STYXL1: variants seen among roughly 807,000 people sequenced by gnomAD.
The protein encoded by STYXL1 is serine/threonine/tyrosine-interacting-like protein 1.
STYXL1 carries 32 observed loss-of-function variants against 36.4 expected under a neutral mutation model. The ratio of observed to expected loss-of-function variants is 0.88; its 90% CI spans 0.66 to 1.18. The LOEUF (loss-of-function observed/expected upper bound fraction) is 1.18, where lower values mean the gene tolerates loss of function less well. STYXL1 is among the 50% of genes most tolerant of loss of function. STYXL1 has a pLI of 0.00. For synonymous variants in STYXL1, 133 were observed against 144.1 expected (o/e 0.92, Z 0.55); for missense variants, 354 against 394.1 (o/e 0.90, Z 0.86).
intron 8 of STYXL1, 100 bp from the exon 9 acceptor site, chr7:75,996,699 G>A (rs1790177231): frequency 2.2e-5 from 26 of 1,156,826 alleles, no homozygotes; most frequent in Non-Finnish European, 1.3e-6. Flanking sequence ...CTTGCACAGT[G>A]CCAGCAACAC....
At chr7:76,021,467 C>T (rs1794062551) in intron 4 of STYXL1, among the ~76,000 whole-genome samples, 1 of 152,114 alleles carries the variant, frequency 6.6e-6, no homozygotes, top group South Asian at 2.1e-4. Context: ...TCTTTCAGGT[C>T]CCGCGTACTG....
intron 4 of STYXL1, among the ~76,000 whole-genome samples, chr7:76,015,391 A>AT (rs1793155188): frequency 6.6e-6 from 1 of 152,260 alleles, no homozygotes; most frequent in African/African-American, 2.4e-5. Flanking sequence ...AAAGACTTAA[A>AT]TGTAACACCT....
Position 76,021,859 on chromosome 7 carries a change from T to C in STYXL1, c.299A>G (p.Asp100Gly), listed in dbSNP as rs782621864. 6.2e-7 allele frequency: 1 copy of C among 1,610,386 alleles called. No individual in the cohort carries two copies. Among genetic ancestry groups the C allele is most frequent in the African/African-American group, 1.3e-5 (1 of 74,836 alleles). ...DDDDDSDSDG[D>G]GKDLVPQAAI... is the part of the protein sequence containing the mutation. ...TGTTGCATAAAACCCACCTTTGCCA[T>C]CACCATCAGAGTCTGAATCATCATC... The change falls in exon 4 of 9, where the codon GAT (aspartate) becomes GGT (glycine). Residue 100 changes from aspartate (D) to glycine (G), a missense_variant. By Grantham distance (94) the Asp-to-Gly change is moderately conservative. Transcript: ENST00000359697.
At position 76,021,990 on chromosome 7, in the gene STYXL1, T is replaced by C; in HGVS notation, c.168A>G (p.Lys56=). 1 of 1,599,258 alleles carries C rather than the reference T, an allele frequency of 6.3e-7. No homozygotes were observed. Among genetic ancestry groups the C allele is most frequent in the South Asian group, 1.1e-5 (1 of 88,052 alleles). Residue 56 remains lysine (K), a splice_region_variant and synonymous_variant, in exon 4 of 9, where the codon AAA becomes AAG. Coordinates refer to ENST00000359697, the MANE Select transcript of STYXL1 (RefSeq NM_001317785.2). ...HVITALRVKK[K]NNEYLLPESV... ...ACTCCGGGAGAAGATATTCATTATTTTTCTTAAAAAAAAAAACACACACAC... is the reference window on the plus strand; with the variant it reads ...ACTCCGGGAGAAGATATTCATTATTCTTCTTAAAAAAAAAAACACACACAC...
intron 6 of STYXL1, among the ~76,000 whole-genome samples, chr7:76,004,786 GGTCAGGTGAT>G (rs1196711621): frequency 6.6e-6 from 1 of 152,104 alleles, no homozygotes; most frequent in Admixed American, 6.6e-5. Flanking sequence ...ATGATCACAA[GGTCAGGTGAT>G]CGAGACCATC....
At chr7:76,010,230 C>T (rs1222110582) in intron 5 of STYXL1, among the ~76,000 whole-genome samples, 1 of 150,640 alleles carries the variant, frequency 6.6e-6, no homozygotes, top group African/African-American at 2.4e-5. Context: ...CATTAAACTG[C>T]CCTGGCTTAT....
intron 7 of STYXL1, among the ~76,000 whole-genome samples, chr7:76,001,533 G>A (rs1256948145): frequency 1.3e-5 from 2 of 151,960 alleles, no homozygotes; most frequent in Non-Finnish European, 2.9e-5. Flanking sequence ...CACTCTTGTT[G>A]CCCAGGCTGG....
chr7:76,017,199 T>G (rs1793479605), intron 4 of STYXL1, among the ~76,000 whole-genome samples: 1 of 152,026 alleles, frequency 6.6e-6, no homozygotes. Flanking sequence ...ATTTTTGTAT[T>G]TTTAGTAGAG....
chr7:76,013,874 T>C lies in STYXL1; in HGVS notation c.321A>G (p.Gln107=). The change falls in exon 5 of 9, where the codon CAA becomes CAG. Residue 107 remains glutamine (Q), a synonymous_variant. Transcript: ENST00000359697. The part of the protein sequence containing the change: ...SDGDGKDLVP[Q]AAIEYGRILT... ...GGATCCTGCCATACTCAATGGCTGC[T>C]TGAGGCACAAGATCTGAGAGTGGAG... 1 of 1,612,164 alleles carries C rather than the reference T, an allele frequency of 6.2e-7. No homozygotes were observed.
intron 3 of STYXL1, among the ~76,000 whole-genome samples, chr7:76,025,140 A>T (rs1794536689): frequency 1.3e-5 from 1 of 77,100 alleles, no homozygotes; most frequent in Non-Finnish European, 2.5e-5. Flanking sequence ...GGCTGAGAAC[A>T]CGGGCGGGAG....
At chr7:75,999,070 A>G (rs1554565321) in intron 8 of STYXL1, 1 of 157,084 alleles carries the variant, frequency 6.4e-6, no homozygotes. Flanking sequence ...CCCGGGAGGC[A>G]GAGCTTGCAG....
chr7:76,001,194 T>C (rs554383021), intron 7 of STYXL1, among the ~76,000 whole-genome samples, 192 bp from the exon 8 acceptor site: 1 of 152,320 alleles, frequency 6.6e-6, no homozygotes, highest in East Asian at 1.9e-4. Flanking sequence ...CCCTCAGACC[T>C]GGCTGGAAGT....
chr7:76,011,631 A>G (rs1419412193), intron 5 of STYXL1, among the ~76,000 whole-genome samples: 1 of 152,246 alleles, frequency 6.6e-6, no homozygotes, highest in Admixed American at 6.5e-5. Context: ...TTCTGTTTAC[A>G]TTCCATTGTG....
rs577478184 is a variant in STYXL1, at chr7:76,005,510, A to G, written c.454-106T>C. The G allele has an allele frequency of 1.9e-4, 213 of 1,093,134 alleles. 1 individual carries two copies. In the African/African-American group the frequency reaches 2.5e-3, roughly 13 times the overall value. 67.7% of individuals were successfully genotyped at this position (1,093,134 alleles called of 1,614,324 possible). The stretch of plus-strand genomic sequence containing the variant: ...CAAACGAGCGTAAAAGGGCAGTTCC[A>G]GGACAGTGAATGTGACGGAGATCCA... On this transcript the variant is annotated intron_variant, in intron 5 of 8. Coordinates refer to ENST00000359697, the MANE Select transcript of STYXL1 (RefSeq NM_001317785.2).
Position 76,005,812 on chromosome 7 carries a change from A to G in STYXL1, c.454-408T>C, listed in dbSNP as rs147473932. The stretch of plus-strand genomic sequence containing the variant: ...AATTTAAGCATCGAGAGAGAGAGAG[A>G]AGGAGGAGGAGGAGGAAGAGAGAGG... On this transcript the variant is annotated intron_variant, in intron 5 of 8. Coordinates refer to ENST00000359697, the MANE Select transcript of STYXL1 (RefSeq NM_001317785.2). 1.5e-3 allele frequency among the ~76,000 whole-genome samples: 220 copies of G among 144,902 alleles called. 10 individuals are homozygous for G. The South Asian group carries it at 0.041, about 27-fold the overall frequency.
intron 5 of STYXL1, among the ~76,000 whole-genome samples, chr7:76,007,165 AT>A (rs1231944641): frequency 1.3e-5 from 2 of 152,168 alleles, no homozygotes. Flanking sequence ...GGTGGCTCAC[AT>A]CTGTAACCCC....
At chr7:76,022,140 G>T in intron 3 of STYXL1, 148 bp from the exon 4 acceptor site, 1 of 1,438,360 alleles carries the variant, frequency 7.0e-7, no homozygotes, top group Non-Finnish European at 9.1e-7. Flanking sequence ...CACTGAGACA[G>T]TGGATGGAGA....
intron 1 of STYXL1, among the ~76,000 whole-genome samples, chr7:76,043,713 C>T (rs185461256): frequency 1.2e-3 from 176 of 152,228 alleles, no homozygotes; most frequent in African/African-American, 4.1e-3. Context: ...CTCTTATAAC[C>T]CCCTCCACCA....
At chr7:76,026,116 C>T (rs1554577627) in intron 3 of STYXL1, among the ~76,000 whole-genome samples, 1 of 129,216 alleles carries the variant, frequency 7.7e-6, no homozygotes, top group African/African-American at 2.9e-5. Context: ...GGCGTTAACC[C>T]GGGAGGTGGA....
Sources: allele counts gnomAD v4.1 joint callset (sites outside exome capture counted in the v4.1 genomes callset), GRCh38; gene constraint gnomAD v4.1.1; transcripts MANE v1.5; gene names NCBI Gene and HGNC (gene_info 2026-07-23, HGNC 2026-07-21).